Variants in BLTP1 observed in about 807,000 individuals in gnomAD.
BLTP1 encodes fragile site-associated protein.
At chr4:122,307,608 A>C in the BLTP1 span, 2 of 985,318 alleles carry the variant, frequency 2.0e-6, no homozygotes, top group Non-Finnish European at 2.4e-6. Context: ...ACAGCTCTAC[A>C]GATGAAGTTA....
chr4:122,187,013 G>A, the BLTP1 span: 66,663 of 984,332 alleles, frequency 0.068, 2,470 homozygotes, highest in Middle Eastern at 0.076. Flanking sequence ...ATTGTTTTCA[G>A]AAGTGCTTAA....
the BLTP1 span, among the ~76,000 whole-genome samples, chr4:122,284,848 A>C: frequency 2.6e-5 from 4 of 152,224 alleles, no homozygotes; most frequent in African/African-American, 7.2e-5. Flanking sequence ...ACGGTTTGAT[A>C]CTATCTATGA....
chr4:122,323,426 C>T, the BLTP1 span, among the ~76,000 whole-genome samples: 7 of 148,978 alleles, frequency 4.7e-5, no homozygotes, highest in East Asian at 1.4e-3. Context: ...TTTTTTAAAC[C>T]AACAGAGAAC....
At chr4:122,273,241 T>G in the BLTP1 span, 3 of 971,808 alleles carry the variant, frequency 3.1e-6, no homozygotes, top group South Asian at 1.4e-4. Flanking sequence ...TTGAACCTAC[T>G]TTTTGTTATA....
the BLTP1 span, among the ~76,000 whole-genome samples, chr4:122,296,927 G>A: frequency 6.6e-6 from 1 of 152,134 alleles, no homozygotes; most frequent in African/African-American, 2.4e-5. Context: ...ACTCAAGATG[G>A]ATTAAAGACT....
chr4:122,175,088 A>G, the BLTP1 span: 3 of 958,374 alleles, frequency 3.1e-6, no homozygotes, highest in African/African-American at 3.5e-5. Flanking sequence ...AAATATGAAT[A>G]TAATAAGGAT....
the BLTP1 span, among the ~76,000 whole-genome samples, chr4:122,293,740 CCA>C: frequency 7.9e-5 from 12 of 152,158 alleles, no homozygotes; most frequent in Non-Finnish European, 1.5e-4. Flanking sequence ...TTTATAGACC[CCA>C]CTCCCAGGGC....
chr4:122,328,113 G>C, the BLTP1 span: 1 of 1,570,918 alleles, frequency 6.4e-7, no homozygotes, highest in Non-Finnish European at 8.7e-7. Flanking sequence ...GTTTCCAGAG[G>C]AGACAGAACT....
At chr4:122,191,964 A>G in the BLTP1 span, among the ~76,000 whole-genome samples, 2 of 152,136 alleles carry the variant, frequency 1.3e-5, no homozygotes, top group African/African-American at 2.4e-5. Context: ...TTTATATTAC[A>G]TGTTATATTT....
the BLTP1 span, chr4:122,237,042 A>AT: frequency 1.0e-6 from 1 of 984,768 alleles, no homozygotes; most frequent in Non-Finnish European, 1.2e-6. Context: ...AATCAAGACC[A>AT]TTTTTTCTTT....
At chr4:122,339,411 A>G in the BLTP1 span, 9 of 1,606,086 alleles carry the variant, frequency 5.6e-6, no homozygotes, top group Non-Finnish European at 7.7e-6. Context: ...AATACCAGGT[A>G]TAGATAATGT....
chr4:122,173,136 T>C, the BLTP1 span: 1 of 1,611,626 alleles, frequency 6.2e-7, no homozygotes, highest in African/African-American at 1.3e-5. Flanking sequence ...TATACAAGCA[T>C]GGCTATATCC....
At chr4:122,161,960 A>G in the BLTP1 span, among the ~76,000 whole-genome samples, 2 of 152,226 alleles carry the variant, frequency 1.3e-5, no homozygotes, top group Non-Finnish European at 2.9e-5. Flanking sequence ...CTTAAGGAGC[A>G]GTCATTAGTG....
the BLTP1 span, among the ~76,000 whole-genome samples, chr4:122,219,829 A>G: frequency 3.3e-5 from 5 of 152,078 alleles, no homozygotes; most frequent in Non-Finnish European, 7.3e-5. Context: ...CGTGTCATAC[A>G]TTGAGTTGTT....
At chr4:122,250,256 G>C in the BLTP1 span, 1 of 1,190,406 alleles carries the variant, frequency 8.4e-7, no homozygotes, top group Non-Finnish European at 1.2e-6. Flanking sequence ...GCAAAGACTT[G>C]GTGAGAAAAA....
At chr4:122,315,408 T>C in the BLTP1 span, 7 of 1,604,298 alleles carry the variant, frequency 4.4e-6, no homozygotes, top group Admixed American at 3.4e-5. Context: ...TGTAAAGTTA[T>C]TTCAATTTCT....
the BLTP1 span, chr4:122,266,770 TTA>T: frequency 6.4e-7 from 1 of 1,573,582 alleles, no homozygotes; most frequent in South Asian, 1.2e-5. Flanking sequence ...ATATGAATGT[TTA>T]TGTCTTTTAG....
chr4:122,227,917 T>A, the BLTP1 span, among the ~76,000 whole-genome samples: 4 of 141,786 alleles, frequency 2.8e-5, no homozygotes, highest in East Asian at 2.0e-4. Context: ...TGCATTAAAA[T>A]TTTTTTTTTT....
chr4:122,337,381 C>A, the BLTP1 span, among the ~76,000 whole-genome samples: 1 of 152,014 alleles, frequency 6.6e-6, no homozygotes, highest in East Asian at 1.9e-4. Flanking sequence ...AATACAAAGC[C>A]TTTTTTATAA....
Sources: allele counts gnomAD v4.1 joint callset (sites outside exome capture counted in the v4.1 genomes callset), GRCh38; gene constraint gnomAD v4.1.1; transcripts MANE v1.5; gene names NCBI Gene and HGNC (gene_info 2026-07-23, HGNC 2026-07-21).